The following RETSAT variants were observed in gnomAD, a reference collection of about 807,000 sequenced individuals.
RETSAT encodes all-trans-retinol 13,14-reductase.
A neutral mutation model predicts 61.6 loss-of-function variants in RETSAT; 35 were observed. The ratio of observed to expected loss-of-function variants is 0.57; its 90% CI spans 0.43 to 0.75. The LOEUF (loss-of-function observed/expected upper bound fraction) is 0.75, where lower values mean the gene tolerates loss of function less well. Among genes scored for constraint, RETSAT ranks in the 30% least tolerant of loss-of-function variants. The probability of loss-of-function intolerance (pLI) is 0.00; values close to 1 mark genes in which losing one functional copy is unlikely to be tolerated. For missense variants in RETSAT, 670 were observed against 759.5 expected, an observed-to-expected ratio of 0.88 and a Z score of 1.38; for synonymous variants, 277 against 310.4, an observed-to-expected ratio of 0.89 and a Z score of 1.13.
intron 5 of RETSAT, among the ~76,000 whole-genome samples, chr2:85,348,950 C>A (rs1446176276): frequency 6.6e-6 from 1 of 151,772 alleles, no homozygotes; most frequent in East Asian, 2.0e-4. Context: ...GGGGTTTCAC[C>A]GTATTGGCCA....
chr2:85,343,813 G>C lies in RETSAT; in HGVS notation c.1534-15C>G, dbSNP rs775245351. Reference sequence around the variant, plus strand: ...ACACTCTCCACCTGAGGGCAGAAAGGGTGGGGCAGGCATGTGAGATCCTGG... The same window carrying C: ...ACACTCTCCACCTGAGGGCAGAAAGCGTGGGGCAGGCATGTGAGATCCTGG... On this transcript the variant is annotated splice_polypyrimidine_tract_variant and intron_variant, in intron 9 of 10. Coordinates refer to ENST00000295802, the MANE Select transcript of RETSAT (RefSeq NM_017750.4). 3.1e-6 allele frequency: 5 copies of C among 1,613,024 alleles called. No homozygotes were observed. In the East Asian group the frequency reaches 6.7e-5, roughly 22 times the overall value.
At position 85,349,430 on chromosome 2, in the gene RETSAT, C is replaced by T; in HGVS notation, c.951G>A (p.Lys317=). The T allele has an allele frequency of 3.7e-6, 6 of 1,614,172 alleles. No individual in the cohort carries two copies. The highest frequency in any genetic ancestry group is 5.1e-6 in the Non-Finnish European group (6 of 1,180,034). Reference sequence around the variant, plus strand: ...CCAGCAACACACTCTGCACAGTGGCCTTTGTGAGGACAGCGCCCCCAGCCC... The same window carrying T: ...CCAGCAACACACTCTGCACAGTGGCTTTTGTGAGGACAGCGCCCCCAGCCC... The part of the protein sequence containing the change: ...IQRAGGAVLT[K]ATVQSVLLDS... Residue 317 remains lysine (K), a synonymous_variant, in exon 5 of 11, where the codon AAG becomes AAA. Transcript: ENST00000295802.
chr2:85,351,415 A>G lies in RETSAT; in HGVS notation c.355+265T>C, dbSNP rs1683298131. 3 of 457,700 alleles carry G rather than the reference A, an allele frequency of 6.6e-6. No individual in the cohort carries two copies. The South Asian group carries it at 9.2e-5, about 14-fold the overall frequency. The allele number at this position is 457,700 out of a possible 1,614,324, so 28.4% of individuals were successfully genotyped here. On this transcript the variant is annotated intron_variant, in intron 2 of 10. Coordinates refer to ENST00000295802, the MANE Select transcript of RETSAT (RefSeq NM_017750.4). Reference sequence around the variant, plus strand: ...GGTGGCCCACTTGGTGGGATTACTGAGTGTAATCCCAGCCACTCGGGAGAC... The same window carrying G: ...GGTGGCCCACTTGGTGGGATTACTGGGTGTAATCCCAGCCACTCGGGAGAC...
At chr2:85,352,880 T>C (rs1212795680) in intron 1 of RETSAT, among the ~76,000 whole-genome samples, 3 of 152,144 alleles carry the variant, frequency 2.0e-5, no homozygotes, top group African/African-American at 7.2e-5. Context: ...CAGCACCTTC[T>C]CAGAAGACAA....
In RETSAT at chr2:85,343,591, CAG is replaced by C. The variant is rs765974963; in HGVS notation, c.1693+46_1693+47del. On this transcript the variant is annotated intron_variant, in intron 10 of 10. Coordinates refer to ENST00000295802, the MANE Select transcript of RETSAT (RefSeq NM_017750.4). ...GGCAGGAACAGAGGACGTTGGGCGA[CAG>C]GGGCCCAGGGTCTCAGGTCCTGACA... 49 of 1,607,872 alleles carry C rather than the reference CAG, an allele frequency of 3.0e-5. No homozygotes were observed. The African/African-American group carries it at 3.2e-4, about 11-fold the overall frequency.
At chr2:85,345,621 T>C in intron 6 of RETSAT, 1 of 383,648 alleles carries the variant, frequency 2.6e-6, no homozygotes, top group Non-Finnish European at 5.0e-6. Flanking sequence ...CTCTGCTCCC[T>C]GTGGGCTGCC....
chr2:85,343,010 G>C lies in RETSAT; in HGVS notation c.*232C>G. 2.2e-6 allele frequency: 1 copy of C among 463,728 alleles called. No individual in the cohort carries two copies. The highest frequency in any genetic ancestry group is 3.5e-5 in the East Asian group (1 of 28,666). The allele number at this position is 463,728 out of a possible 1,614,324, so 28.7% of individuals were successfully genotyped here. ...AGCTATCCAAGTCAATATCCTATTA[G>C]TAGGGATGGCATGTTATAAAAGGCG... On this transcript the variant is annotated 3_prime_UTR_variant, in exon 11 of 11. Transcript: ENST00000295802.
chr2:85,344,755 C>G, intron 6 of RETSAT, 23 bp from the exon 7 acceptor site: 1 of 1,611,040 alleles, frequency 6.2e-7, no homozygotes, highest in Non-Finnish European at 8.5e-7. Context: ...GTGGTTGGTG[C>G]CTGTGTGGAC....
rs537056549 is a variant in RETSAT at position 85,343,850 on chromosome 2, C to T, written c.1534-52G>A. On this transcript the variant is annotated intron_variant, in intron 9 of 10. Coordinates refer to ENST00000295802, the MANE Select transcript of RETSAT (RefSeq NM_017750.4). The stretch of plus-strand genomic sequence containing the variant: ...ATGTGAGATCCTGGCTCCCCTCCCT[C>T]TTCCACTCTTTCCCATTCACTGACT... 7.9e-4 allele frequency: 1,271 copies of T among 1,606,418 alleles called. 13 individuals are homozygous for T. In the South Asian group the frequency reaches 0.013, roughly 17 times the overall value.
At chr2:85,346,145 A>G in intron 5 of RETSAT, 51 bp from the exon 6 acceptor site, 1 of 1,577,464 alleles carries the variant, frequency 6.3e-7, no homozygotes, top group South Asian at 1.2e-5. Context: ...GGATGAAGAG[A>G]AAGGCCCACG....
Position 85,343,135 on chromosome 2 carries a change from T to G in RETSAT, c.*107A>C. The G allele has an allele frequency of 6.7e-7, 1 of 1,492,364 alleles. No individual in the cohort carries two copies. Among genetic ancestry groups the G allele is most frequent in the Non-Finnish European group, 9.1e-7 (1 of 1,097,912 alleles). The allele number at this position is 1,492,364 out of a possible 1,614,324, so 92.4% of individuals were successfully genotyped here. A position where few individuals can be genotyped will look rare whatever the true frequency, so the allele number is the denominator to read the frequency against. On this transcript the variant is annotated 3_prime_UTR_variant, in exon 11 of 11. Transcript: ENST00000295802. ...CTCTCTTCAGGCATCAGAACCAAAT[T>G]AGAGTGCTTTATACGTGCAAGGAAC... is the stretch of plus-strand genomic sequence containing the variant.
chr2:85,349,218 A>AT (rs1344055498), intron 5 of RETSAT, among the ~76,000 whole-genome samples, 166 bp downstream of exon 5: 1 of 151,556 alleles, frequency 6.6e-6, no homozygotes, highest in Non-Finnish European at 1.5e-5. Flanking sequence ...CTTCCTTTTT[A>AT]TTTCTGGACT....
chr2:85,344,533 C>G, intron 7 of RETSAT, 61 bp downstream of exon 7: 1 of 1,591,016 alleles, frequency 6.3e-7, no homozygotes, highest in Non-Finnish European at 8.6e-7. Context: ...AACCTCTGCT[C>G]ATTCTCTGAG....
At chr2:85,346,185 C>A in intron 5 of RETSAT, 91 bp from the exon 6 acceptor site, 1 of 1,515,252 alleles carries the variant, frequency 6.6e-7, no homozygotes. Context: ...TGCCTGTGCC[C>A]ATTTCTCAGA....
In RETSAT at chr2:85,349,370, G is replaced by A; in HGVS notation, c.997+14C>T. 1 of 1,613,818 alleles carries A rather than the reference G, an allele frequency of 6.2e-7. No individual in the cohort carries two copies. The highest frequency in any genetic ancestry group is 8.5e-7 in the Non-Finnish European group (1 of 1,179,884). ...CCAGGGACCCAGAAGGGCAGGGCGG[G>A]GCAGGGCTCTCACCACAGGCTTTCC... On this transcript the variant is annotated intron_variant, in intron 5 of 10. Transcript: ENST00000295802.
Position 85,342,071 on chromosome 2 carries a change from C to CA in RETSAT, c.*1170dup. On this transcript the variant is annotated 3_prime_UTR_variant, in exon 11 of 11. Transcript: ENST00000295802. ...ACAATAATAGTTTTGTTTTCTTGAACAAAAAACCAAAATAAATTTCAAATG... is the reference window on the plus strand; with the variant it reads ...ACAATAATAGTTTTGTTTTCTTGAACAAAAAAACCAAAATAAATTTCAAATG... 5.2e-6 allele frequency: 2 copies of CA among 381,296 alleles called. No individual in the cohort carries two copies. Among genetic ancestry groups the CA allele is most frequent in the Non-Finnish European group, 9.4e-6 (2 of 213,828 alleles). The allele number at this position is 381,296 out of a possible 1,614,324, so 23.6% of individuals were successfully genotyped here. A position where few individuals can be genotyped will look rare whatever the true frequency, so the allele number is the denominator to read the frequency against.
At chr2:85,349,920 G>T in intron 4 of RETSAT, 120 bp downstream of exon 4, 1 of 927,236 alleles carries the variant, frequency 1.1e-6, no homozygotes, top group Non-Finnish European at 1.6e-6. Flanking sequence ...GCTCCAGAGG[G>T]CCTGGGGTTT....
chr2:85,342,054 A>C lies in RETSAT; in HGVS notation c.*1188T>G, dbSNP rs1448622952. 1 of 419,906 alleles carries C rather than the reference A, an allele frequency of 2.4e-6. No homozygotes were observed. The highest frequency in any genetic ancestry group is 4.2e-6 in the Non-Finnish European group (1 of 237,148). The allele number at this position is 419,906 out of a possible 1,614,324, so 26.0% of individuals were successfully genotyped here. A position where few individuals can be genotyped will look rare whatever the true frequency, so the allele number is the denominator to read the frequency against. On this transcript the variant is annotated 3_prime_UTR_variant, in exon 11 of 11. Transcript: ENST00000295802. ...CTTCTGCAAATGCCATCACAATAAT[A>C]GTTTTGTTTTCTTGAACAAAAAACC... is the stretch of plus-strand genomic sequence containing the variant.
rs528286839 is a variant in RETSAT, at chr2:85,349,062, T to TTTTTGTTTTGTTTTG, written c.997+321_997+322insCAAAACAAAACAAAA. On this transcript the variant is annotated intron_variant, in intron 5 of 10. Transcript: ENST00000295802. The stretch of plus-strand genomic sequence containing the variant: ...CCATGCCCGGCCATATTTTTGTTTT[T>TTTTTGTTTTGTTTTG]TTTTTTTTAAAGAGACAGGGTTTAA... 4.2e-3 allele frequency among the ~76,000 whole-genome samples: 633 copies of TTTTTGTTTTGTTTTG among 151,976 alleles called. 11 individuals carry two copies. The East Asian group carries it at 0.061, about 15-fold the overall frequency.
Sources: allele counts gnomAD v4.1 joint callset (sites outside exome capture counted in the v4.1 genomes callset), GRCh38; gene constraint gnomAD v4.1.1; transcripts MANE v1.5; gene names NCBI Gene and HGNC (gene_info 2026-07-23, HGNC 2026-07-21).